SUN1: variants seen among roughly 807,000 people sequenced by gnomAD.
The protein encoded by SUN1 is Sad1 and UNC84 domain containing 1.
Under a neutral mutation model 103.2 loss-of-function variants are expected in SUN1, and 61 were observed. The observed-to-expected ratio is 0.59, with a 90% CI of 0.48 to 0.73. The LOEUF (loss-of-function observed/expected upper bound fraction) is 0.73. SUN1 is among the 30% of genes least tolerant of loss of function. SUN1 has a pLI of 0.00. For missense variants in SUN1, 1,052 were observed against 1,034.6 expected (o/e 1.02, Z -0.23); for synonymous variants, 490 against 425.7 (o/e 1.15, Z -1.86).
chr7:868,075 G>A (rs984552305), intron 16 of SUN1, among the ~76,000 whole-genome samples: 2 of 152,222 alleles, frequency 1.3e-5, no homozygotes, highest in Admixed American at 6.5e-5. Context: ...GGGGCTGAGG[G>A]GCAGTAAATC....
intron 1 of SUN1, among the ~76,000 whole-genome samples, chr7:826,584 C>A (rs1792242512): frequency 6.6e-6 from 1 of 152,132 alleles, no homozygotes; most frequent in South Asian, 2.1e-4. Context: ...CCCCGTGGAT[C>A]AGTGATAGAC....
At chr7:831,106 T>C (rs1797507967), upstream of SUN1, 1 of 712,284 alleles carries the variant, frequency 1.4e-6, no homozygotes, top group South Asian at 6.2e-5. Flanking sequence ...TAAACAGGTA[T>C]TAACTATTAC....
intron 15 of SUN1, among the ~76,000 whole-genome samples, chr7:862,224 C>T (rs1344418661): frequency 1.3e-5 from 2 of 152,226 alleles, no homozygotes; most frequent in Non-Finnish European, 2.9e-5. Flanking sequence ...GGACTCACAT[C>T]ACTCAGAAGA....
intron 16 of SUN1, 114 bp from the exon 17 acceptor site, chr7:869,235 T>C: frequency 7.5e-7 from 1 of 1,340,418 alleles, no homozygotes; most frequent in Admixed American, 2.3e-5. Context: ...TCATGGCAGT[T>C]TCTACCATGT....
At chr7:826,072 C>T (rs890740750) in intron 1 of SUN1, among the ~76,000 whole-genome samples, 2 of 152,034 alleles carry the variant, frequency 1.3e-5, no homozygotes, top group African/African-American at 4.8e-5. Context: ...GACCCTGTCT[C>T]TAAGAAAATA....
At chr7:852,774 T>C in intron 8 of SUN1, 36 bp from the exon 9 acceptor site, 1 of 1,610,976 alleles carries the variant, frequency 6.2e-7, no homozygotes, top group South Asian at 1.1e-5. Flanking sequence ...AGAAGCGTGG[T>C]GTACCTGTGT....
chr7:849,847 A>G (rs1313771760), intron 5 of SUN1: 2 of 1,447,926 alleles, frequency 1.4e-6, no homozygotes, highest in Admixed American at 1.9e-5. Context: ...ACAGACTGCC[A>G]TTGCTATGCA....
rs755954145 is a variant in SUN1 at position 843,395 on chromosome 7, C to T, written c.533C>T (p.Thr178Ile). The change falls in exon 5 of 19, where the codon ACC becomes ATC. Residue 178 changes from threonine to isoleucine, a missense_variant. Physicochemically the swap from Thr to Ile is moderately conservative, Grantham distance 89. Around this residue, in one of 2 missense-constraint regions of SUN1, gnomAD observed 846 missense variants for 774.5 expected, o/e 1.09. Transcript: ENST00000401592. Reference sequence around the variant, plus strand: ...GGGGATGTGGGAGCCGCCGCCGCCACCGCGCACAACGGCTTCTCCTGCAGC... The same window carrying T: ...GGGGATGTGGGAGCCGCCGCCGCCATCGCGCACAACGGCTTCTCCTGCAGC... ...GNGDVGAAAA[T>I]AHNGFSCSNC... is the part of the protein sequence containing the mutation. The T allele has an allele frequency of 2.5e-6, 4 of 1,611,682 alleles. No individual in the cohort carries two copies. Among genetic ancestry groups the T allele is most frequent in the Non-Finnish European group, 2.5e-6 (3 of 1,178,452 alleles).
At chr7:863,576 C>T (rs1425823044) in intron 15 of SUN1, among the ~76,000 whole-genome samples, 10 of 152,162 alleles carry the variant, frequency 6.6e-5, no homozygotes, top group African/African-American at 1.7e-4. Flanking sequence ...AACATATTCG[C>T]GGTGCAGCCA....
intron 1 of SUN1, among the ~76,000 whole-genome samples, chr7:837,739 C>T (rs1027817144): frequency 1.3e-5 from 2 of 152,208 alleles, no homozygotes; most frequent in Non-Finnish European, 2.9e-5. Context: ...GGCCAGCATC[C>T]GTGTCCTCCT....
At chr7:832,010 C>T (rs1798441464), upstream of SUN1, 1 of 986,032 alleles carries the variant, frequency 1.0e-6, no homozygotes, top group African/African-American at 1.7e-5. Context: ...TTTTGTTATT[C>T]ACCCTGCAGT....
At chr7:829,362 T>C (rs1795756774), upstream of SUN1, among the ~76,000 whole-genome samples, 1 of 152,144 alleles carries the variant, frequency 6.6e-6, no homozygotes, top group African/African-American at 2.4e-5. Flanking sequence ...TGGCGGTCAG[T>C]AGAGCTGGTC....
At chr7:855,507 C>T (rs988118063) in intron 11 of SUN1, among the ~76,000 whole-genome samples, 2 of 152,314 alleles carry the variant, frequency 1.3e-5, no homozygotes, top group Non-Finnish European at 2.9e-5. Context: ...GGTTCCGGCT[C>T]TTTGTGTCTC....
chr7:832,255 T>C (rs1435132292), upstream of SUN1, among the ~76,000 whole-genome samples: 1 of 152,218 alleles, frequency 6.6e-6, no homozygotes, highest in Non-Finnish European at 1.5e-5. Flanking sequence ...TCAGCCACTT[T>C]AGGGTTCCCC....
chr7:822,515 G>A (rs762367689), intron 1 of SUN1, among the ~76,000 whole-genome samples: 3 of 152,214 alleles, frequency 2.0e-5, no homozygotes, highest in Non-Finnish European at 4.4e-5. Flanking sequence ...TGAACACAGA[G>A]CAGCCCTTTG....
intron 17 of SUN1, among the ~76,000 whole-genome samples, chr7:871,420 G>A (rs1204093905): frequency 3.3e-5 from 5 of 151,664 alleles, no homozygotes; most frequent in African/African-American, 4.9e-5. Flanking sequence ...ACCGAGTCTC[G>A]CTCTGTCACC....
chr7:870,687 T>G (rs1184981239), intron 17 of SUN1, among the ~76,000 whole-genome samples: 1 of 107,712 alleles, frequency 9.3e-6, no homozygotes, highest in Non-Finnish European at 2.2e-5. Flanking sequence ...TCCCCCGTGT[T>G]TATCTGGCCG....
intron 1 of SUN1, among the ~76,000 whole-genome samples, chr7:825,220 G>A (rs555767214): frequency 1.2e-4 from 18 of 152,204 alleles, no homozygotes; most frequent in African/African-American, 2.6e-4. Context: ...CACTGCGCCC[G>A]GCTAATTTTG....
intron 17 of SUN1, 120 bp downstream of exon 17, chr7:869,636 A>C: frequency 8.1e-7 from 1 of 1,238,396 alleles, no homozygotes; most frequent in Non-Finnish European, 1.1e-6. Flanking sequence ...GCCCTCTCTC[A>C]GATTCGGTGT....
Sources: gnomAD v4.1 joint callset for allele counts (sites outside exome capture counted in the v4.1 genomes callset) on GRCh38, gnomAD v4.1.1 for gene constraint, gnomAD v4.1.1 regional missense constraint, MANE v1.5 for transcripts, NCBI Gene and HGNC (gene_info 2026-07-23, HGNC 2026-07-21) for gene names.